JMY: variants seen among roughly 807,000 people sequenced by gnomAD.
JMY encodes the protein junction-mediating and -regulatory protein.
A neutral mutation model predicts 103.3 loss-of-function variants in JMY; 46 were observed. That is an observed-to-expected ratio of 0.45 (90% CI 0.35 to 0.57). The LOEUF is 0.57. JMY is among the 20% of genes least tolerant of loss of function. The probability of loss-of-function intolerance (pLI) is 0.00; values close to 1 mark genes in which losing one functional copy is unlikely to be tolerated. For synonymous variants in JMY, 526 were observed against 489.3 expected, an observed-to-expected ratio of 1.07 and a Z score of -0.99; for missense variants, 1,238 against 1,255.2, an observed-to-expected ratio of 0.99 and a Z score of 0.21.
chr5:79,314,139 G>A (rs1580373202), intron 8 of JMY, 118 bp from the exon 9 acceptor site: 17 of 1,472,770 alleles, frequency 1.2e-5, no homozygotes, highest in South Asian at 4.3e-5. Context: ...GATTACAGGC[G>A]TGAGCCACCA....
intron 6 of JMY, 95 bp downstream of exon 6, chr5:79,300,958 C>A: frequency 9.6e-7 from 1 of 1,036,286 alleles, no homozygotes; most frequent in Non-Finnish European, 1.4e-6. Flanking sequence ...TGTTTTAAAA[C>A]TAAGTAAGCA....
intron 8 of JMY, among the ~76,000 whole-genome samples, chr5:79,313,855 A>G (rs1462598062): frequency 6.6e-6 from 1 of 152,212 alleles, no homozygotes; most frequent in Non-Finnish European, 1.5e-5. Context: ...TGAAATAACC[A>G]ATAAGCCAAC....
chr5:79,307,801 C>T (rs1487476711), intron 7 of JMY, among the ~76,000 whole-genome samples: 4 of 152,108 alleles, frequency 2.6e-5, no homozygotes, highest in Admixed American at 1.3e-4. Context: ...TGCAGTGGCG[C>T]GATCTCGGCT....
intron 1 of JMY, among the ~76,000 whole-genome samples, chr5:79,245,662 G>C (rs1238382656): frequency 6.6e-6 from 1 of 152,142 alleles, no homozygotes; most frequent in African/African-American, 2.4e-5. Context: ...GCCTCACTCT[G>C]TCGCCCAGAC....
In JMY at chr5:79,291,219, G is replaced by T; in HGVS notation, c.1447G>T (p.Ala483Ser). 6.2e-7 allele frequency: 1 copy of T among 1,613,436 alleles called. No homozygotes were observed. Among genetic ancestry groups the T allele is most frequent in the Non-Finnish European group, 8.5e-7 (1 of 1,179,658 alleles). ...TGAACGGATGGAAAAACTCCAGTAT[G>T]CAGTTTCTAAGGAAACTTTGCAGAT... Reference protein sequence around the residue: ...AAERMEKLQYAVSKETLQMMR... With the variant: ...AAERMEKLQYSVSKETLQMMR... The change falls in exon 4 of 11, where the codon GCA becomes TCA. Residue 483 changes from alanine to serine, a missense_variant. By Grantham distance (99) the Ala-to-Ser change is moderately conservative. Coordinates refer to ENST00000396137, the MANE Select transcript of JMY (RefSeq NM_152405.5).
intron 1 of JMY, among the ~76,000 whole-genome samples, chr5:79,269,162 A>T (rs1246202629): frequency 6.6e-6 from 1 of 151,988 alleles, no homozygotes; most frequent in Non-Finnish European, 1.5e-5. Context: ...TTTTGAGTTA[A>T]TTTTTGTGAA....
intron 2 of JMY, chr5:79,284,033 G>T: frequency 1.4e-6 from 1 of 738,872 alleles, no homozygotes; most frequent in Non-Finnish European, 2.1e-6. Flanking sequence ...TAATCCAACA[G>T]CAAGGTACAA....
At chr5:79,284,370 C>T in intron 2 of JMY, 1 of 1,287,276 alleles carries the variant, frequency 7.8e-7, no homozygotes, top group East Asian at 2.3e-5. Context: ...AATTTATTGA[C>T]CACTTCTTTC....
rs1328825371 is a variant in JMY at position 79,326,818 on chromosome 5, T to C, written c.*5216T>C. The C allele has an allele frequency of 1.3e-5, 2 of 152,222 alleles. No individual in the cohort carries two copies. Among genetic ancestry groups the C allele is most frequent in the Non-Finnish European group, 2.9e-5 (2 of 68,016 alleles). 9.4% of individuals were successfully genotyped at this position (152,222 alleles called of 1,614,324 possible). A position where few individuals can be genotyped will look rare whatever the true frequency, so the allele number is the denominator to read the frequency against. ...TTGTGCTTTGCTTGGCTTGTAAGGATGGCTTTAGTACCATTACATTAAATG... is the reference window on the plus strand; with the variant it reads ...TTGTGCTTTGCTTGGCTTGTAAGGACGGCTTTAGTACCATTACATTAAATG... On this transcript the variant is annotated 3_prime_UTR_variant, in exon 11 of 11. Transcript: ENST00000396137.
In JMY at chr5:79,319,639, T is replaced by C. The variant is rs563659284; in HGVS notation, c.*4-1967T>C. Among the ~76,000 whole-genome samples the C allele has an allele frequency of 9.2e-5, 14 of 151,954 alleles. No individual in the cohort carries two copies. In the East Asian group the frequency reaches 1.7e-3, roughly 19 times the overall value. On this transcript the variant is annotated intron_variant, in intron 10 of 10. Coordinates refer to ENST00000396137, the MANE Select transcript of JMY (RefSeq NM_152405.5). ...TCTTGTTGCCCAAGCTGGAGTGCAGTGGTGTGATCTTGACTCACTGCAACC... is the reference window on the plus strand; with the variant it reads ...TCTTGTTGCCCAAGCTGGAGTGCAGCGGTGTGATCTTGACTCACTGCAACC...
chr5:79,238,648 C>CTTTTTT (rs1055172051), intron 1 of JMY, among the ~76,000 whole-genome samples: 24,854 of 118,442 alleles, frequency 0.21, 2,394 homozygotes, highest in South Asian at 0.33. Flanking sequence ...TCCGCGCCTT[C>CTTTTTT]TTTTTTTTTT....
At position 79,289,234 on chromosome 5, in the gene JMY, C is replaced by CAAAA. The variant is rs535416062; in HGVS notation, c.1207-871_1207-868dup. Among the ~76,000 whole-genome samples the CAAAA allele has an allele frequency of 1.2e-3, 68 of 55,428 alleles. 1 individual carries two copies. In the South Asian group the frequency reaches 0.032, roughly 26 times the overall value. 36.4% of individuals were successfully genotyped at this position (55,428 alleles called of 152,430 possible). A position where few individuals can be genotyped will look rare whatever the true frequency, so the allele number is the denominator to read the frequency against. On this transcript the variant is annotated intron_variant, in intron 2 of 10. Transcript: ENST00000396137. ...TGGACAACAAAGCGAGACGCCGTCT[C>CAAAA]AAAAAAAAAAAAAAAAAAAGGAGAA... is the stretch of plus-strand genomic sequence containing the variant.
chr5:79,281,205 C>A (rs1040206367), intron 2 of JMY, among the ~76,000 whole-genome samples: 1 of 151,402 alleles, frequency 6.6e-6, no homozygotes, highest in African/African-American at 2.4e-5. Flanking sequence ...CCACCACACC[C>A]GGCTAATTTT....
At chr5:79,270,345 T>A (rs1309272917) in intron 1 of JMY, among the ~76,000 whole-genome samples, 1 of 137,774 alleles carries the variant, frequency 7.3e-6, no homozygotes, top group African/African-American at 2.6e-5. Flanking sequence ...AAAATATATA[T>A]TTACATAAAT....
At position 79,324,000 on chromosome 5, in the gene JMY, T is replaced by C. The variant is rs1747548652; in HGVS notation, c.*2398T>C. The C allele has an allele frequency of 6.6e-6, 1 of 152,222 alleles. No homozygotes were observed. The highest frequency in any genetic ancestry group is 2.1e-4 in the South Asian group (1 of 4,838). The allele number at this position is 152,222 out of a possible 1,614,324, so 9.4% of individuals were successfully genotyped here. The stretch of plus-strand genomic sequence containing the variant: ...ATGCCCATCCTCTTGTAAATAACTT[T>C]CCAACACACCCATTTCCTTGCCTTA... On this transcript the variant is annotated 3_prime_UTR_variant, in exon 11 of 11. Transcript: ENST00000396137.
intron 6 of JMY, among the ~76,000 whole-genome samples, chr5:79,305,060 G>A (rs1472552820): frequency 1.3e-5 from 2 of 152,198 alleles, no homozygotes; most frequent in Admixed American, 1.3e-4. Flanking sequence ...GAGTGAACCA[G>A]AGTGGGTAAA....
intron 7 of JMY, 36 bp downstream of exon 7, chr5:79,306,497 A>AT: frequency 1.4e-6 from 2 of 1,419,626 alleles, no homozygotes; most frequent in Admixed American, 1.7e-5. Flanking sequence ...ACAAAACTTA[A>AT]TTTTTTTGCA....
chr5:79,252,675 C>G (rs982291284), intron 1 of JMY, among the ~76,000 whole-genome samples: 3 of 152,110 alleles, frequency 2.0e-5, no homozygotes, highest in Non-Finnish European at 4.4e-5. Flanking sequence ...AATTGCTATA[C>G]CCTCTTGCTA....
At position 79,284,308 on chromosome 5, in the gene JMY, G is replaced by C. The variant is rs369540359; in HGVS notation, c.1207-5813G>C. On this transcript the variant is annotated intron_variant, in intron 2 of 10. Transcript: ENST00000396137. ...ACTTTTCTAACGAAGACATCATGGA[G>C]AGGATAGATTGGCAAGCCTTTTCTA... The C allele has an allele frequency of 3.1e-5, 45 of 1,449,232 alleles. 2 individuals are homozygous for C. Among genetic ancestry groups the C allele is most frequent in the Admixed American group, 1.7e-4 (10 of 59,804 alleles). 89.8% of individuals were successfully genotyped at this position (1,449,232 alleles called of 1,614,324 possible). A position where few individuals can be genotyped will look rare whatever the true frequency, so the allele number is the denominator to read the frequency against.
Sources: gnomAD v4.1 joint callset for allele counts (sites outside exome capture counted in the v4.1 genomes callset) on GRCh38, gnomAD v4.1.1 for gene constraint, MANE v1.5 for transcripts, NCBI Gene and HGNC (gene_info 2026-07-23, HGNC 2026-07-21) for gene names.